MED15: variants seen among roughly 807,000 people sequenced by gnomAD.
MED15 encodes the protein mediator of RNA polymerase II transcription subunit 15.
A neutral mutation model predicts 118.7 loss-of-function variants in MED15; 41 were observed. The observed-to-expected ratio is 0.35, with a 90% CI of 0.27 to 0.45. The LOEUF is 0.45. Ranked by LOEUF, MED15 falls within the 20% of genes least tolerant of loss-of-function variation. The probability of loss-of-function intolerance (pLI) is 1.00; values close to 1 mark genes in which losing one functional copy is unlikely to be tolerated. For missense variants in MED15, 740 were observed against 1,025.5 expected (o/e 0.72, Z 3.80); for synonymous variants, 436 against 413.9 (o/e 1.05, Z -0.65).
chr22:20,575,254 G>A, intron 9 of MED15, 22 bp downstream of exon 9: 1 of 1,610,538 alleles, frequency 6.2e-7, no homozygotes, highest in Non-Finnish European at 8.5e-7. Context: ...GCAGCGCCCA[G>A]GGCACGGCTG....
intron 9 of MED15, among the ~76,000 whole-genome samples, chr22:20,577,795 G>A (rs550101225): frequency 6.6e-6 from 1 of 152,128 alleles, no homozygotes; most frequent in East Asian, 1.9e-4. Context: ...GACAAACGCG[G>A]CAGCATTTAG....
chr22:20,562,623 C>T (rs1258084917), intron 5 of MED15, among the ~76,000 whole-genome samples: 1 of 152,146 alleles, frequency 6.6e-6, no homozygotes, highest in Non-Finnish European at 1.5e-5. Flanking sequence ...CTCAAGTGAT[C>T]CTCCTGCCTG....
chr22:20,523,367 A>T lies in MED15; in HGVS notation c.69-13750A>T, dbSNP rs564131412. On this transcript the variant is annotated intron_variant, in intron 1 of 17. Coordinates refer to ENST00000263205, the MANE Select transcript of MED15 (RefSeq NM_001003891.3). ...TGACTTCCTTTTTTTTTAAAAAAAA[A>T]GTTCATTATGGACTTTTTCAAGTGT... is the stretch of plus-strand genomic sequence containing the variant. Among the ~76,000 whole-genome samples the T allele has an allele frequency of 2.6e-5, 4 of 151,944 alleles. No homozygotes were observed. The South Asian group carries it at 6.2e-4, about 24-fold the overall frequency.
chr22:20,575,023 T>C, intron 8 of MED15, 90 bp from the exon 9 acceptor site: 1 of 1,567,628 alleles, frequency 6.4e-7, no homozygotes, highest in South Asian at 1.1e-5. Context: ...GTGCTCCTTC[T>C]TGCAGAGGCT....
chr22:20,511,442 C>T (rs946792464), intron 1 of MED15, among the ~76,000 whole-genome samples: 15 of 151,168 alleles, frequency 9.9e-5, no homozygotes, highest in African/African-American at 2.7e-4. Flanking sequence ...CAGTGAGCTA[C>T]GTTCACACCA....
chr22:20,543,768 G>A (rs185059904), intron 2 of MED15, among the ~76,000 whole-genome samples: 3 of 151,732 alleles, frequency 2.0e-5, no homozygotes, highest in African/African-American at 7.3e-5. Context: ...ATGTTGGCCA[G>A]GCTGGTCTTG....
intron 1 of MED15, among the ~76,000 whole-genome samples, chr22:20,520,449 G>T (rs1053837236): frequency 6.6e-6 from 1 of 152,252 alleles, no homozygotes; most frequent in Non-Finnish European, 1.5e-5. Flanking sequence ...GCTTTGATTC[G>T]TGTGAGGGAG....
intron 9 of MED15, among the ~76,000 whole-genome samples, chr22:20,575,984 C>T (rs957223901): frequency 6.6e-6 from 1 of 152,154 alleles, no homozygotes; most frequent in Admixed American, 6.5e-5. Flanking sequence ...ATTTGTAACA[C>T]AGATCCCCTT....
intron 5 of MED15, among the ~76,000 whole-genome samples, chr22:20,564,100 A>T (rs1402604629): frequency 6.6e-6 from 1 of 152,160 alleles, no homozygotes; most frequent in Non-Finnish European, 1.5e-5. Flanking sequence ...ACAAAAGAGC[A>T]CATGTTCGAT....
At position 20,540,222 on chromosome 22, in the gene MED15, G is replaced by A. The variant is rs567194794; in HGVS notation, c.156+3018G>A. 1.4e-4 allele frequency among the ~76,000 whole-genome samples: 21 copies of A among 152,150 alleles called. No homozygotes were observed. The South Asian group carries it at 2.3e-3, about 17-fold the overall frequency. On this transcript the variant is annotated intron_variant, in intron 2 of 17. Coordinates refer to ENST00000263205, the MANE Select transcript of MED15 (RefSeq NM_001003891.3). ...CTGGAGGACGTGGAAAGCCACATAA[G>A]GTTTTTGACAGATTAGGGAAAAGGC...
At chr22:20,529,917 T>G (rs1321036792) in intron 1 of MED15, among the ~76,000 whole-genome samples, 1 of 152,088 alleles carries the variant, frequency 6.6e-6, no homozygotes, top group Non-Finnish European at 1.5e-5. Context: ...AGTAGAGACG[T>G]TTCACCATGT....
intron 5 of MED15, among the ~76,000 whole-genome samples, chr22:20,561,888 T>A (rs2056257088): frequency 6.6e-6 from 1 of 151,960 alleles, no homozygotes; most frequent in Non-Finnish European, 1.5e-5. Context: ...ACACTTGAGA[T>A]GCTGAGGTAA....
intron 1 of MED15, among the ~76,000 whole-genome samples, chr22:20,525,835 C>T (rs1393829256): frequency 6.6e-6 from 1 of 152,086 alleles, no homozygotes; most frequent in Non-Finnish European, 1.5e-5. Flanking sequence ...TGCACCCGGC[C>T]ACGTGACCCT....
intron 1 of MED15, among the ~76,000 whole-genome samples, chr22:20,525,977 G>A (rs2054631911): frequency 6.6e-6 from 1 of 151,060 alleles, no homozygotes; most frequent in Admixed American, 6.6e-5. Flanking sequence ...CTGTAGTGTA[G>A]TGGCACGATT....
Position 20,554,939 on chromosome 22 carries a change from C to A in MED15, c.242C>A (p.Pro81His). Reference protein sequence around the residue: ...NKKSQASVSDPMNALQSLTGG... With the variant: ...NKKSQASVSDHMNALQSLTGG... ...CTCTGCCCTTGTGTTCCCACAGATC[C>A]TATGAATGCACTCCAGAGCCTGACT... The change falls in exon 5 of 18, where the codon CCT becomes CAT. Residue 81 changes from proline (P) to histidine (H), a missense_variant. Coordinates refer to ENST00000263205, the MANE Select transcript of MED15 (RefSeq NM_001003891.3). The A allele has an allele frequency of 6.2e-7, 1 of 1,602,686 alleles. No homozygotes were observed. The highest frequency in any genetic ancestry group is 1.7e-5 in the Admixed American group (1 of 59,736).
intron 8 of MED15, among the ~76,000 whole-genome samples, chr22:20,569,883 C>CT (rs1269234325): frequency 6.6e-6 from 1 of 152,216 alleles, no homozygotes; most frequent in Admixed American, 6.5e-5. Flanking sequence ...GGGGGGCTCC[C>CT]TTGTCCTGGT....
At chr22:20,532,735 C>T (rs1241521314) in intron 1 of MED15, among the ~76,000 whole-genome samples, 1 of 152,202 alleles carries the variant, frequency 6.6e-6, no homozygotes, top group African/African-American at 2.4e-5. Flanking sequence ...CCTCATAGGC[C>T]TGTACTGTTT....
rs774365510 is a variant in MED15 at position 20,575,249 on chromosome 22, G to T, written c.1272+17G>T. On this transcript the variant is annotated intron_variant, in intron 9 of 17. Coordinates refer to ENST00000263205, the MANE Select transcript of MED15 (RefSeq NM_001003891.3). ...ATGGCACAGGTATTTACGGGGCAGC[G>T]CCCAGGGCACGGCTGGGAGCTCGGG... The T allele has an allele frequency of 6.2e-7, 1 of 1,611,854 alleles. No homozygotes were observed. The highest frequency in any genetic ancestry group is 8.5e-7 in the Non-Finnish European group (1 of 1,179,696).
intron 2 of MED15, 103 bp downstream of exon 2, chr22:20,537,307 G>A: frequency 1.0e-6 from 1 of 992,294 alleles, no homozygotes; most frequent in Non-Finnish European, 1.5e-6. Flanking sequence ...TGTAGGGGTG[G>A]GGTGGTTGCT....
Sources: allele counts gnomAD v4.1 joint callset (sites outside exome capture counted in the v4.1 genomes callset), GRCh38; gene constraint gnomAD v4.1.1; transcripts MANE v1.5; gene names NCBI Gene and HGNC (gene_info 2026-07-23, HGNC 2026-07-21).